The following FBN1 variants were observed in gnomAD, a reference collection of about 807,000 sequenced individuals.
FBN1 encodes the protein fibrillin-1.
A neutral mutation model predicts 365.1 loss-of-function variants in FBN1; 29 were observed. The ratio of observed to expected loss-of-function variants is 0.08; its 90% confidence interval spans 0.06 to 0.11. The LOEUF (loss-of-function observed/expected upper bound fraction) is 0.11, where lower values mean the gene tolerates loss of function less well. Among genes scored for constraint, FBN1 ranks in the 10% least tolerant of loss-of-function variants. The probability of loss-of-function intolerance (pLI) is 1.00; values close to 1 mark genes in which losing one functional copy is unlikely to be tolerated. For missense variants in FBN1, 2,476 were observed against 3,703.2 expected (o/e 0.67, Z 8.60); for synonymous variants, 1,210 against 1,270.5 (o/e 0.95, Z 1.01).
chr15:48,513,435 G>A, intron 13 of FBN1, 114 bp downstream of exon 13: 1 of 1,460,220 alleles, frequency 6.8e-7, no homozygotes, highest in East Asian at 2.3e-5. Context: ...AAAAGCCACG[G>A]GACTGTATTA....
Position 48,545,167 on chromosome 15 carries a change from C to T in FBN1, c.539-7359G>A, listed in dbSNP as rs187657087. Among the ~76,000 whole-genome samples the T allele has an allele frequency of 1.9e-4, 29 of 152,142 alleles. No individual in the cohort carries two copies. The East Asian group carries it at 5.2e-3, about 27-fold the overall frequency. ...TGAAGCATAAAATATTCTCTCCAATCCAAAAACAAGATTAGTAGCCCAAGA... is the reference window on the plus strand; with the variant it reads ...TGAAGCATAAAATATTCTCTCCAATTCAAAAACAAGATTAGTAGCCCAAGA... On this transcript the variant is annotated intron_variant, in intron 6 of 65. Coordinates refer to ENST00000316623, the MANE Select transcript of FBN1 (RefSeq NM_000138.5).
chr15:48,437,070 G>A lies in FBN1; in HGVS notation c.6387C>T (p.Asp2129=), dbSNP rs147342485. ...TACAGACATCGGGTTCTTTGCATTC[G>A]TCCATATCTTAAGCAAGAGAAAAAA... The part of the protein sequence containing the change: ...VGPDDSAVDM[D]ECKEPDVCKH... Residue 2129 remains aspartate (D), a synonymous_variant, in exon 53 of 66, where the codon GAC becomes GAT. Coordinates refer to ENST00000316623, the MANE Select transcript of FBN1 (RefSeq NM_000138.5). 2.2e-5 allele frequency: 35 copies of A among 1,606,542 alleles called. No homozygotes were observed. Among genetic ancestry groups the A allele is most frequent in the South Asian group, 4.4e-5 (4 of 90,950 alleles).
intron 54 of FBN1, 35 bp from the exon 55 acceptor site, chr15:48,433,023 T>A: frequency 6.2e-7 from 1 of 1,612,048 alleles, no homozygotes; most frequent in Non-Finnish European, 8.5e-7. Flanking sequence ...TAAGGGATCA[T>A]GGACAGCAAC....
In FBN1 at chr15:48,452,597, G is replaced by T. The variant is rs752008146; in HGVS notation, c.5510C>A (p.Pro1837His). 2 of 1,614,036 alleles carry T rather than the reference G, an allele frequency of 1.2e-6. No homozygotes were observed. Among genetic ancestry groups the T allele is most frequent in the Non-Finnish European group, 8.5e-7 (1 of 1,180,008 alleles). ...TCCTGTGGAGGTGAAGCGGTAGCCG[G>T]GCTTACAGTCACAGCGGTAGCTGCC... Reference protein sequence around the residue: ...TAGSYRCDCKPGYRFTSTGQC... With the variant: ...TAGSYRCDCKHGYRFTSTGQC... Residue 1837 changes from proline (P) to histidine (H), a missense_variant, in exon 45 of 66, where the codon CCC becomes CAC. Physicochemically the swap from Pro to His is moderately conservative, Grantham distance 77. Transcript: ENST00000316623.
intron 24 of FBN1, among the ~76,000 whole-genome samples, chr15:48,490,768 G>C (rs2043551454): frequency 6.6e-6 from 1 of 152,162 alleles, no homozygotes; most frequent in African/African-American, 2.4e-5. Flanking sequence ...CTGGATTTTG[G>C]TCCTCTTCTG....
chr15:48,427,744 C>A lies in FBN1; in HGVS notation c.7027G>T (p.Val2343Leu), dbSNP rs761076868. The A allele has an allele frequency of 1.9e-6, 3 of 1,614,046 alleles. No homozygotes were observed. Among genetic ancestry groups the A allele is most frequent in the South Asian group, 2.2e-5 (2 of 91,062 alleles). Residue 2343 changes from valine to leucine, a missense_variant, in exon 58 of 66, where the codon GTG becomes TTG. By Grantham distance (32) the Val-to-Leu change is conservative (BLOSUM62 1). Around this residue, in one of 5 missense-constraint regions of FBN1, gnomAD observed 1,780 missense variants for 2,840.8 expected, o/e 0.63. Transcript: ENST00000316623. Reference sequence around the variant, plus strand: ...CCGATCTGACACATGTTTTGTAGCACCTCTGTGAAGCAGTACCCTTCCCGA... The same window carrying A: ...CCGATCTGACACATGTTTTGTAGCAACTCTGTGAAGCAGTACCCTTCCCGA... ...DNREGYCFTE[V>L]LQNMCQIGSS...
intron 4 of FBN1, among the ~76,000 whole-genome samples, chr15:48,605,942 A>G (rs2044604479): frequency 6.6e-6 from 1 of 152,210 alleles, no homozygotes. Flanking sequence ...ACTGAAAAAG[A>G]TATACAGGTG....
intron 6 of FBN1, among the ~76,000 whole-genome samples, chr15:48,562,042 A>G (rs556136944): frequency 5.7e-4 from 87 of 152,266 alleles, no homozygotes; most frequent in African/African-American, 2.0e-3. Flanking sequence ...AACCCTGCCA[A>G]TCATGACGTA....
chr15:48,453,757 G>A (rs2043219517), intron 44 of FBN1, among the ~76,000 whole-genome samples: 1 of 151,970 alleles, frequency 6.6e-6, no homozygotes, highest in African/African-American at 2.4e-5. Flanking sequence ...TAGGGGTAGG[G>A]AATATATGAT....
Position 48,488,195 on chromosome 15 carries a change from C to T in FBN1, c.3255G>A (p.Gln1085=), listed in dbSNP as rs767088495. The T allele has an allele frequency of 1.2e-5, 20 of 1,614,126 alleles. No individual in the cohort carries two copies. Among genetic ancestry groups the T allele is most frequent in the Non-Finnish European group, 1.7e-5 (20 of 1,180,052 alleles). The change falls in exon 27 of 66, where the codon CAG becomes CAA. Residue 1085 remains glutamine, a synonymous_variant. Transcript: ENST00000316623. ...RISPDLCGRG[Q]CVNTPGDFEC... is the part of the protein sequence containing the mutation. ...CAAAGTCCCCAGGGGTGTTCACACA[C>T]TGGCCTCTGCCACAGAGGTCAGGAG...
chr15:48,571,742 T>C (rs2044306897), intron 6 of FBN1, among the ~76,000 whole-genome samples: 1 of 152,194 alleles, frequency 6.6e-6, no homozygotes, highest in Non-Finnish European at 1.5e-5. Context: ...TTAAAGTGCC[T>C]GTAGCCATCC....
chr15:48,445,215 T>A lies in FBN1; in HGVS notation c.5917+161A>T, dbSNP rs549886457. ...ATATATACATATATATATGTGTATA[T>A]ATACTTAAATAAAAACAAGCCTTTA... On this transcript the variant is annotated intron_variant, in intron 48 of 65. Transcript: ENST00000316623. Among the ~76,000 whole-genome samples the A allele has an allele frequency of 4.8e-4, 70 of 146,486 alleles. 1 individual carries two copies. Among genetic ancestry groups the A allele is most frequent in the African/African-American group, 1.3e-3 (54 of 40,332 alleles).
chr15:48,506,565 G>A (rs1025656366), intron 15 of FBN1, among the ~76,000 whole-genome samples: 5 of 152,328 alleles, frequency 3.3e-5, no homozygotes, highest in African/African-American at 9.6e-5. Flanking sequence ...TAATAAGAAC[G>A]GAGATGTAAG....
chr15:48,630,980 A>T (rs1889978201), intron 2 of FBN1, among the ~76,000 whole-genome samples: 1 of 152,194 alleles, frequency 6.6e-6, no homozygotes, highest in Non-Finnish European at 1.5e-5. Flanking sequence ...AATATGAAGC[A>T]ACCGCAACTT....
intron 2 of FBN1, among the ~76,000 whole-genome samples, chr15:48,618,828 T>C (rs1217454061): frequency 1.3e-5 from 2 of 152,060 alleles, no homozygotes; most frequent in African/African-American, 4.8e-5. Flanking sequence ...ACAAACCTGA[T>C]TGTGAACTGC....
chr15:48,516,062 C>T, intron 11 of FBN1, 121 bp downstream of exon 11: 1 of 1,040,320 alleles, frequency 9.6e-7, no homozygotes, highest in Admixed American at 2.0e-5. Flanking sequence ...ATTATGTAAA[C>T]CAAAAATTAA....
intron 6 of FBN1, among the ~76,000 whole-genome samples, chr15:48,553,189 A>G (rs998976561): frequency 3.9e-5 from 6 of 152,180 alleles, no homozygotes; most frequent in African/African-American, 1.4e-4. Context: ...AATAATTGAG[A>G]TATTTTGAAT....
chr15:48,412,472 C>A lies in FBN1; in HGVS notation c.8226+97G>T, dbSNP rs1020250586. ...ATGTCTGGAGTTTCTCCCTGGGGAG[C>A]TTTTTCACACTTTGGAGCATCCTTG... On this transcript the variant is annotated intron_variant, in intron 65 of 65. Transcript: ENST00000316623. 8.2e-6 allele frequency: 11 copies of A among 1,337,948 alleles called. No individual in the cohort carries two copies. In the African/African-American group the frequency reaches 1.0e-4, roughly 12 times the overall value. The allele number at this position is 1,337,948 out of a possible 1,614,324, so 82.9% of individuals were successfully genotyped here.
At chr15:48,427,033 A>G (rs2042983971) in intron 58 of FBN1, among the ~76,000 whole-genome samples, 1 of 152,202 alleles carries the variant, frequency 6.6e-6, no homozygotes, top group South Asian at 2.1e-4. Flanking sequence ...CACAGGAATC[A>G]TATTGGTGAC....
Sources: allele counts gnomAD v4.1 joint callset (sites outside exome capture counted in the v4.1 genomes callset), GRCh38; gene constraint gnomAD v4.1.1; regional missense constraint gnomAD v4.1.1; transcripts MANE v1.5; gene names NCBI Gene and HGNC (gene_info 2026-07-23, HGNC 2026-07-21).